The following MEMO1 variants were observed in gnomAD, a reference collection of about 807,000 sequenced individuals.
MEMO1 encodes protein MEMO1.
MEMO1 carries 6 observed loss-of-function variants against 45.2 expected under a neutral mutation model. That is an observed-to-expected ratio of 0.13 (90% confidence interval 0.07 to 0.26). MEMO1 has a LOEUF of 0.26. Ranked by LOEUF, MEMO1 falls within the 10% of genes least tolerant of loss-of-function variation. The pLI is 1.00. For synonymous variants in MEMO1, 78 were observed against 124.3 expected, an observed-to-expected ratio of 0.63 and a Z score of 2.48; for missense variants, 184 against 370.5, an observed-to-expected ratio of 0.50 and a Z score of 4.13.
intron 2 of MEMO1, among the ~76,000 whole-genome samples, chr2:31,966,193 C>T (rs61352460): frequency 6.6e-6 from 1 of 152,162 alleles, no homozygotes; most frequent in Admixed American, 6.5e-5. Context: ...CAGTTAGCGC[C>T]TCTTTCCAAC....
intron 2 of MEMO1, among the ~76,000 whole-genome samples, chr2:31,954,405 G>A (rs541956641): frequency 2.0e-5 from 3 of 152,232 alleles, no homozygotes; most frequent in Admixed American, 6.5e-5. Flanking sequence ...TCAACATAGT[G>A]AGACCCCTGT....
chr2:31,997,617 C>T (rs1047164355), intron 2 of MEMO1, among the ~76,000 whole-genome samples: 1 of 152,090 alleles, frequency 6.6e-6, no homozygotes, highest in Non-Finnish European at 1.5e-5. Flanking sequence ...TGAAAAAGTC[C>T]TAAAGCAGGA....
intron 6 of MEMO1, among the ~76,000 whole-genome samples, chr2:31,902,423 A>G (rs1268562571): frequency 1.3e-5 from 2 of 152,020 alleles, no homozygotes; most frequent in Non-Finnish European, 2.9e-5. Context: ...AAATCATTGA[A>G]CTCTTACATG....
intron 2 of MEMO1, among the ~76,000 whole-genome samples, chr2:31,974,308 G>T (rs1669749285): frequency 6.6e-6 from 1 of 151,942 alleles, no homozygotes; most frequent in South Asian, 2.1e-4. Flanking sequence ...TATACTGGTT[G>T]GAAAATCACA....
intron 2 of MEMO1, among the ~76,000 whole-genome samples, chr2:31,997,876 G>C (rs1004349518): frequency 1.3e-5 from 2 of 152,108 alleles, no homozygotes; most frequent in Non-Finnish European, 2.9e-5. Context: ...ATGGAAACTG[G>C]GCAACCAGTA....
chr2:31,967,642 C>A (rs1251192457), intron 2 of MEMO1, among the ~76,000 whole-genome samples: 1 of 151,768 alleles, frequency 6.6e-6, no homozygotes, highest in African/African-American at 2.4e-5. Flanking sequence ...CAAGGTTTCA[C>A]GATATTGTCC....
At chr2:31,930,555 AG>A (rs1469144869) in intron 4 of MEMO1, among the ~76,000 whole-genome samples, 1 of 152,136 alleles carries the variant, frequency 6.6e-6, no homozygotes, top group Non-Finnish European at 1.5e-5. Context: ...TGCCAAATAG[AG>A]GAAGGTTTCA....
chr2:31,963,298 G>A (rs1668239726), intron 2 of MEMO1: 2 of 1,491,296 alleles, frequency 1.3e-6, no homozygotes, highest in South Asian at 1.3e-5. Flanking sequence ...CTACAGATAG[G>A]GATACAGATA....
intron 2 of MEMO1, among the ~76,000 whole-genome samples, chr2:31,975,971 C>T (rs142085609): frequency 0.011 from 1,655 of 152,234 alleles, 26 homozygotes; most frequent in South Asian, 0.047. Flanking sequence ...CTCAGCTCAC[C>T]GTAACCTCTC....
intron 2 of MEMO1, among the ~76,000 whole-genome samples, chr2:31,980,002 CTTAAT>C (rs1670448977): frequency 1.4e-5 from 2 of 142,586 alleles, no homozygotes; most frequent in South Asian, 4.4e-4. Context: ...CAGAAACTGT[CTTAAT>C]TTAAAAAAAA....
chr2:31,996,499 G>A (rs1243196289), intron 2 of MEMO1, among the ~76,000 whole-genome samples: 2 of 151,888 alleles, frequency 1.3e-5, no homozygotes, highest in Non-Finnish European at 2.9e-5. Flanking sequence ...AGCTGAGATC[G>A]TGCCACTGCA....
chr2:31,928,424 G>A (rs186365912), intron 4 of MEMO1, among the ~76,000 whole-genome samples: 5,328 of 152,124 alleles, frequency 0.035, 140 homozygotes, highest in Non-Finnish European at 0.053. Flanking sequence ...GCATACGCTT[G>A]TAATCCCAGC....
intron 2 of MEMO1, among the ~76,000 whole-genome samples, chr2:31,963,779 C>T (rs1668295893): frequency 1.3e-5 from 2 of 152,292 alleles, no homozygotes; most frequent in East Asian, 1.9e-4. Context: ...AAAAGCCTGA[C>T]TGATCAGTTC....
chr2:31,999,934 A>G (rs2148588563), intron 2 of MEMO1, among the ~76,000 whole-genome samples: 1 of 137,474 alleles, frequency 7.3e-6, no homozygotes, highest in Non-Finnish European at 1.5e-5. Context: ...CCCAGGCTGG[A>G]GCGTAGTGGT....
intron 2 of MEMO1, among the ~76,000 whole-genome samples, chr2:31,959,451 G>A (rs1158183622): frequency 6.6e-6 from 1 of 151,290 alleles, no homozygotes; most frequent in Non-Finnish European, 1.5e-5. Flanking sequence ...GATCTTTCAT[G>A]AAGATTAACA....
chr2:31,877,936 C>T (rs900801814), intron 8 of MEMO1, among the ~76,000 whole-genome samples: 5 of 152,150 alleles, frequency 3.3e-5, no homozygotes, highest in Non-Finnish European at 5.9e-5. Flanking sequence ...TACTTATATT[C>T]TAATCACTAT....
chr2:31,870,139 G>C (rs1673478380), intron 8 of MEMO1, among the ~76,000 whole-genome samples, 187 bp from the exon 9 acceptor site: 2 of 152,050 alleles, frequency 1.3e-5, no homozygotes, highest in Non-Finnish European at 2.9e-5. Context: ...CACCATTATA[G>C]TCAACTCTCT....
rs75264312 is a variant in MEMO1 at position 31,980,151 on chromosome 2, G to C, written c.61+30036C>G. Among the ~76,000 whole-genome samples the C allele has an allele frequency of 6.0e-3, 910 of 152,212 alleles. 12 individuals are homozygous for C. Among genetic ancestry groups the C allele is most frequent in the African/African-American group, 0.021 (852 of 41,534 alleles). ...TAGCAAGGAAATTTTAAAATATTTT[G>C]CCAGGCATGGTGACTCACAACTGTA... On this transcript the variant is annotated intron_variant, in intron 2 of 9. Transcript: ENST00000404530.
At chr2:31,953,717 A>G (rs981725798) in intron 2 of MEMO1, among the ~76,000 whole-genome samples, 1 of 152,116 alleles carries the variant, frequency 6.6e-6, no homozygotes, top group African/African-American at 2.4e-5. Context: ...TTGGCATCCC[A>G]AAGTGCTGGG....
Sources: gnomAD v4.1 joint callset for allele counts (sites outside exome capture counted in the v4.1 genomes callset) on GRCh38, gnomAD v4.1.1 for gene constraint, MANE v1.5 for transcripts, NCBI Gene and HGNC (gene_info 2026-07-23, HGNC 2026-07-21) for gene names.